CNTNAP2: variants seen among roughly 807,000 people sequenced by gnomAD.
The protein encoded by CNTNAP2 is contactin associated protein 2.
A neutral mutation model predicts 155.2 loss-of-function variants in CNTNAP2; 98 were observed. That is an observed-to-expected ratio of 0.63 (90% confidence interval 0.54 to 0.75). The LOEUF (loss-of-function observed/expected upper bound fraction) is 0.75. CNTNAP2 is among the 30% of genes least tolerant of loss of function. CNTNAP2 has a pLI of 0.00. For missense variants in CNTNAP2, 1,727 were observed against 1,688.1 expected, an observed-to-expected ratio of 1.02 and a Z score of -0.40; for synonymous variants, 651 against 631.2, an observed-to-expected ratio of 1.03 and a Z score of -0.47.
chr7:147,562,023 G>A (rs1193281454), intron 11 of CNTNAP2, 115 bp from the exon 12 acceptor site: 1 of 1,358,446 alleles, frequency 7.4e-7, no homozygotes, highest in Non-Finnish European at 1.0e-6. Context: ...GCTCTTTCCA[G>A]GAAGAACTAC....
chr7:147,130,555 C>A (rs1272924896), intron 7 of CNTNAP2, among the ~76,000 whole-genome samples: 1 of 152,094 alleles, frequency 6.6e-6, no homozygotes, highest in African/African-American at 2.4e-5. Context: ...AGTGAGAAAA[C>A]ATAGAATAAA....
intron 3 of CNTNAP2, among the ~76,000 whole-genome samples, chr7:147,029,555 T>C (rs1271903259): frequency 6.6e-6 from 1 of 151,528 alleles, no homozygotes; most frequent in African/African-American, 2.4e-5. Flanking sequence ...AAGGGTTTTT[T>C]TTTTTTCTTC....
At chr7:146,206,370 A>G (rs189691904) in intron 1 of CNTNAP2, among the ~76,000 whole-genome samples, 43 of 152,078 alleles carry the variant, frequency 2.8e-4, no homozygotes, top group African/African-American at 1.0e-3. Flanking sequence ...ATCATTTCAA[A>G]TATAATGAGA....
intron 1 of CNTNAP2, among the ~76,000 whole-genome samples, chr7:146,682,435 A>G (rs1339463926): frequency 2.6e-5 from 4 of 152,198 alleles, no homozygotes; most frequent in Admixed American, 1.3e-4. Flanking sequence ...GTGGCTTATT[A>G]CATAGGTGAC....
chr7:146,239,284 G>A (rs182639861), intron 1 of CNTNAP2, among the ~76,000 whole-genome samples: 3 of 152,228 alleles, frequency 2.0e-5, no homozygotes, highest in Admixed American at 2.0e-4. Flanking sequence ...GCTCCTTGGT[G>A]ATCTATTTTC....
chr7:146,196,677 C>T (rs1295051863), intron 1 of CNTNAP2, among the ~76,000 whole-genome samples: 3 of 151,916 alleles, frequency 2.0e-5, no homozygotes, highest in African/African-American at 7.3e-5. Flanking sequence ...GAAGACATGG[C>T]ATGTATAGAA....
chr7:147,765,839 G>T (rs568026336), intron 13 of CNTNAP2, among the ~76,000 whole-genome samples: 1 of 152,160 alleles, frequency 6.6e-6, no homozygotes, highest in East Asian at 1.9e-4. Flanking sequence ...ACATGGAAAT[G>T]AATAAACAAG....
chr7:146,827,402 A>G (rs1045423759), intron 2 of CNTNAP2, among the ~76,000 whole-genome samples: 1 of 151,880 alleles, frequency 6.6e-6, no homozygotes, highest in Non-Finnish European at 1.5e-5. Flanking sequence ...TCACTATTGT[A>G]TGTTTGAGCT....
chr7:146,483,281 A>AT lies in CNTNAP2; in HGVS notation c.98-290990_98-290989insT, dbSNP rs1563101575. Reference sequence around the variant, plus strand: ...ACAGAGCAAGACTCCGTCTAAAAAAAAATATATATATATATATATATATAT... The same window carrying AT: ...ACAGAGCAAGACTCCGTCTAAAAAAATAATATATATATATATATATATATAT... On this transcript the variant is annotated intron_variant, in intron 1 of 23. Transcript: ENST00000361727. Among the ~76,000 whole-genome samples the AT allele has an allele frequency of 5.1e-3, 297 of 57,996 alleles. 5 individuals are homozygous for AT. Among genetic ancestry groups the AT allele is most frequent in the Middle Eastern group, 7.4e-3 (1 of 136 alleles). 38.0% of individuals were successfully genotyped at this position (57,996 alleles called of 152,430 possible). A position where few individuals can be genotyped will look rare whatever the true frequency, so the allele number is the denominator to read the frequency against.
At chr7:148,354,973 T>C (rs906459076) in intron 21 of CNTNAP2, among the ~76,000 whole-genome samples, 3 of 151,746 alleles carry the variant, frequency 2.0e-5, no homozygotes, top group African/African-American at 7.3e-5. Context: ...AACCCAAAAC[T>C]CTCAAAATTG....
chr7:146,462,499 C>T (rs1371546172), intron 1 of CNTNAP2, among the ~76,000 whole-genome samples: 1 of 152,142 alleles, frequency 6.6e-6, no homozygotes, highest in Non-Finnish European at 1.5e-5. Flanking sequence ...TTGGTGTTTT[C>T]CTTTCCGAGC....
intron 17 of CNTNAP2, among the ~76,000 whole-genome samples, chr7:148,171,401 G>T (rs2906289): frequency 1.3e-5 from 2 of 152,048 alleles, no homozygotes; most frequent in African/African-American, 2.4e-5. Flanking sequence ...ATTTGAGTTC[G>T]TCCTTTTATA....
intron 13 of CNTNAP2, among the ~76,000 whole-genome samples, chr7:147,802,031 C>T (rs1378675076): frequency 1.3e-5 from 2 of 150,684 alleles, no homozygotes; most frequent in Admixed American, 6.6e-5. Context: ...GGGTGGCTGC[C>T]GGGCGGAGGG....
At chr7:147,553,764 T>G (rs1364805336) in intron 11 of CNTNAP2, among the ~76,000 whole-genome samples, 1 of 151,968 alleles carries the variant, frequency 6.6e-6, no homozygotes, top group African/African-American at 2.4e-5. Flanking sequence ...CAAGGTCAGG[T>G]GTAAGAGACC....
chr7:148,323,391 T>C (rs564032139), intron 21 of CNTNAP2, among the ~76,000 whole-genome samples: 25 of 144,930 alleles, frequency 1.7e-4, no homozygotes, highest in Non-Finnish European at 3.2e-4. Context: ...CATTACTTTT[T>C]AACAAACGTA....
intron 8 of CNTNAP2, among the ~76,000 whole-genome samples, chr7:147,135,986 T>C (rs887068457): frequency 2.6e-5 from 4 of 151,522 alleles, no homozygotes; most frequent in Non-Finnish European, 5.9e-5. Flanking sequence ...ATTATAATGG[T>C]AGTAAAAAAG....
intron 15 of CNTNAP2, among the ~76,000 whole-genome samples, chr7:147,998,103 CTTTTTTT>C (rs71188938): frequency 1.7e-4 from 13 of 75,804 alleles, no homozygotes; most frequent in South Asian, 5.9e-4. Flanking sequence ...TTTCTTTTTT[CTTTTTTT>C]TTTTTTTTTT....
At chr7:146,548,293 G>C (rs958000935) in intron 1 of CNTNAP2, among the ~76,000 whole-genome samples, 6 of 151,946 alleles carry the variant, frequency 3.9e-5, no homozygotes, top group Non-Finnish European at 8.8e-5. Context: ...AAAAGGGTAT[G>C]ATTTTGTTCT....
chr7:146,391,111 A>G (rs915072945), intron 1 of CNTNAP2, among the ~76,000 whole-genome samples: 2 of 147,732 alleles, frequency 1.4e-5, no homozygotes, highest in Non-Finnish European at 3.0e-5. Context: ...ATTATATTAT[A>G]TATTTAGTAT....
Sources: gnomAD v4.1 joint callset for allele counts (sites outside exome capture counted in the v4.1 genomes callset) on GRCh38, gnomAD v4.1.1 for gene constraint, MANE v1.5 for transcripts, NCBI Gene and HGNC (gene_info 2026-07-23, HGNC 2026-07-21) for gene names.